CPNE5: variants seen among roughly 807,000 people sequenced by gnomAD.
CPNE5 encodes copine 5.
CPNE5 carries 42 observed loss-of-function variants against 81.1 expected under a neutral mutation model. That is an observed-to-expected ratio of 0.52 (90% CI 0.40 to 0.67). CPNE5 has a LOEUF of 0.67. Ranked by LOEUF, CPNE5 falls within the 30% of genes least tolerant of loss-of-function variation. The pLI is 0.00. For missense variants in CPNE5, 612 were observed against 815.5 expected (o/e 0.75, Z 3.04); for synonymous variants, 313 against 321.5 (o/e 0.97, Z 0.28).
intron 3 of CPNE5, among the ~76,000 whole-genome samples, chr6:36,809,371 T>A (rs1770892875): frequency 6.6e-6 from 1 of 151,852 alleles, no homozygotes; most frequent in African/African-American, 2.4e-5. Flanking sequence ...AACCTAGGAG[T>A]TCGAGACCAA....
At chr6:36,815,182 A>G (rs1438961431) in intron 3 of CPNE5, among the ~76,000 whole-genome samples, 2 of 151,714 alleles carry the variant, frequency 1.3e-5, no homozygotes. Context: ...GAACAAAAAA[A>G]AAGAACAGAA....
chr6:36,786,510 C>T (rs1215058374), intron 8 of CPNE5, among the ~76,000 whole-genome samples: 1 of 152,186 alleles, frequency 6.6e-6, no homozygotes, highest in Non-Finnish European at 1.5e-5. Flanking sequence ...CCCAGACTGA[C>T]CGTTTTCCCT....
chr6:36,785,686 T>C (rs236413), intron 8 of CPNE5, among the ~76,000 whole-genome samples: 72,465 of 151,788 alleles, frequency 0.48, 17,595 homozygotes, highest in Middle Eastern at 0.62. Context: ...CTGGGCAACA[T>C]AGTGAGACCT....
intron 6 of CPNE5, among the ~76,000 whole-genome samples, chr6:36,797,651 G>C (rs1438825339): frequency 6.6e-6 from 1 of 152,236 alleles, no homozygotes; most frequent in East Asian, 1.9e-4. Flanking sequence ...GCCCGCTTCA[G>C]AGTAACAGCT....
chr6:36,748,210 C>G lies in CPNE5; in HGVS notation c.1018+11G>C. On this transcript the variant is annotated intron_variant, in intron 15 of 20. Transcript: ENST00000244751. ...CTCCCACCCTGCTCCTCTACCCATC[C>G]CCCAACTCACCATTGGAGGCAGTGA... is the stretch of plus-strand genomic sequence containing the variant. 1 of 1,613,796 alleles carries G rather than the reference C, an allele frequency of 6.2e-7. No individual in the cohort carries two copies. The highest frequency in any genetic ancestry group is 2.2e-5 in the East Asian group (1 of 44,880).
At chr6:36,775,107 C>T (rs1324284341) in intron 9 of CPNE5, 42 bp from the exon 10 acceptor site, 3 of 1,497,852 alleles carry the variant, frequency 2.0e-6, no homozygotes, top group African/African-American at 2.8e-5. Flanking sequence ...AGGCCCAAAC[C>T]CAAGGGAGGC....
At chr6:36,822,559 G>A (rs1401812615) in intron 2 of CPNE5, among the ~76,000 whole-genome samples, 1 of 152,178 alleles carries the variant, frequency 6.6e-6, no homozygotes, top group Non-Finnish European at 1.5e-5. Flanking sequence ...CAGAGGTGTG[G>A]TGGGGGAGAG....
At chr6:36,800,234 G>A (rs531042606) in intron 3 of CPNE5, among the ~76,000 whole-genome samples, 164 bp from the exon 4 acceptor site, 114 of 152,230 alleles carry the variant, frequency 7.5e-4, no homozygotes, top group Non-Finnish European at 1.3e-3. Context: ...ATCAAAGCAC[G>A]AGTTCTTCCA....
chr6:36,787,374 C>T (rs1454561573), intron 8 of CPNE5, among the ~76,000 whole-genome samples: 3 of 152,082 alleles, frequency 2.0e-5, no homozygotes, highest in Non-Finnish European at 4.4e-5. Context: ...TCCGATTCCT[C>T]ATCCATCACT....
At chr6:36,755,296 A>C (rs1215306318) in intron 13 of CPNE5, 1 of 152,244 alleles carries the variant, frequency 6.6e-6, no homozygotes, top group Non-Finnish European at 1.5e-5. Flanking sequence ...AGGAACACAG[A>C]GAGGATGAAT....
chr6:36,788,180 A>G (rs1768751057), intron 8 of CPNE5, among the ~76,000 whole-genome samples: 1 of 151,318 alleles, frequency 6.6e-6, no homozygotes, highest in Non-Finnish European at 1.5e-5. Flanking sequence ...ACAGGCGTGC[A>G]CCACCACACC....
At chr6:36,812,900 C>A (rs192349044) in intron 3 of CPNE5, among the ~76,000 whole-genome samples, 92 of 152,338 alleles carry the variant, frequency 6.0e-4, no homozygotes, top group African/African-American at 2.2e-3. Context: ...GAGAGGCCTG[C>A]CTTCCGCTTT....
At chr6:36,812,224 T>C (rs1354984243) in intron 3 of CPNE5, among the ~76,000 whole-genome samples, 1 of 152,292 alleles carries the variant, frequency 6.6e-6, no homozygotes, top group Admixed American at 6.5e-5. Flanking sequence ...CCTAGCTGTG[T>C]TGCTGGGCAA....
At chr6:36,774,346 G>C (rs984442576) in intron 10 of CPNE5, among the ~76,000 whole-genome samples, 2 of 152,192 alleles carry the variant, frequency 1.3e-5, no homozygotes, top group African/African-American at 2.4e-5. Context: ...TGGCGCCACT[G>C]TCACTGCATT....
chr6:36,822,044 C>T, intron 3 of CPNE5, 70 bp downstream of exon 3: 1 of 1,401,634 alleles, frequency 7.1e-7, no homozygotes, highest in Non-Finnish European at 9.6e-7. Flanking sequence ...GGAAATTGCT[C>T]CCGAATTAGA....
At chr6:36,748,376 T>G (rs1316967067) in intron 14 of CPNE5, 109 bp from the exon 15 acceptor site, 1 of 950,466 alleles carries the variant, frequency 1.1e-6, no homozygotes, top group Non-Finnish European at 1.7e-6. Context: ...TTGCCAGGTG[T>G]GTGGCCTTGG....
chr6:36,755,329 G>C (rs1435110565), intron 13 of CPNE5: 1 of 152,234 alleles, frequency 6.6e-6, no homozygotes, highest in Non-Finnish European at 1.5e-5. Flanking sequence ...GCACTGCAGA[G>C]AAAGTGGCTT....
rs568919689 is a variant in CPNE5, at chr6:36,818,767, C to T, written c.183+3347G>A. Among the ~76,000 whole-genome samples the T allele has an allele frequency of 8.9e-4, 136 of 152,296 alleles. 1 individual carries two copies. Among genetic ancestry groups the T allele is most frequent in the African/African-American group, 3.0e-3 (124 of 41,552 alleles). ...CCTGTCTTCCCTCTACTCCACCCTG[C>T]GGCGGGTGTAGTAACAAGATGTGAC... On this transcript the variant is annotated intron_variant, in intron 3 of 20. Transcript: ENST00000244751.
At chr6:36,786,881 T>A (rs1768602702) in intron 8 of CPNE5, among the ~76,000 whole-genome samples, 1 of 152,208 alleles carries the variant, frequency 6.6e-6, no homozygotes, top group Non-Finnish European at 1.5e-5. Context: ...TTCCATGCTG[T>A]TTATATTTTT....
Sources: allele counts gnomAD v4.1 joint callset (sites outside exome capture counted in the v4.1 genomes callset), GRCh38; gene constraint gnomAD v4.1.1; transcripts MANE v1.5; gene names NCBI Gene and HGNC (gene_info 2026-07-23, HGNC 2026-07-21).